PACRG: variants seen among roughly 807,000 people sequenced by gnomAD.
PACRG encodes the protein parkin coregulated gene protein.
In PACRG, 29 loss-of-function variants were observed where a neutral mutation model predicts 29.7. The ratio of observed to expected loss-of-function variants is 0.98; its 90% CI spans 0.73 to 1.33. The LOEUF (loss-of-function observed/expected upper bound fraction) is 1.33, where lower values mean the gene tolerates loss of function less well. PACRG is among the 40% of genes most tolerant of loss of function. The pLI is 0.00. For missense variants in PACRG, 279 were observed against 316.2 expected (o/e 0.88, Z 0.89); for synonymous variants, 116 against 118.7 (o/e 0.98, Z 0.15).
At chr6:162,914,503 T>TTTTTTTTTC in intron 2 of PACRG, among the ~76,000 whole-genome samples, 1 of 90,394 alleles carries the variant, frequency 1.1e-5, no homozygotes, top group Non-Finnish European at 2.2e-5. Context: ...GTTTTGTACT[T>TTTTTTTTTC]TTTTGTTTTT....
At chr6:163,308,777 A>G (rs1052781259) in intron 4 of PACRG, among the ~76,000 whole-genome samples, 1 of 152,162 alleles carries the variant, frequency 6.6e-6, no homozygotes, top group African/African-American at 2.4e-5. Flanking sequence ...CACCTGCACA[A>G]ACCTGCCAAG....
chr6:162,885,190 A>G (rs1022485471), intron 2 of PACRG, among the ~76,000 whole-genome samples: 41 of 150,744 alleles, frequency 2.7e-4, no homozygotes, highest in African/African-American at 9.8e-4. Flanking sequence ...TGAAGAAAAC[A>G]TGGTTTCCTT....
intron 2 of PACRG, among the ~76,000 whole-genome samples, chr6:163,014,893 T>C (rs541561521): frequency 1.3e-5 from 2 of 152,290 alleles, no homozygotes; most frequent in Admixed American, 6.5e-5. Flanking sequence ...TGCAATTGCT[T>C]TTGAGGACTT....
At chr6:162,979,679 C>T (rs1584926116) in intron 2 of PACRG, among the ~76,000 whole-genome samples, 1 of 152,188 alleles carries the variant, frequency 6.6e-6, no homozygotes, top group East Asian at 1.9e-4. Flanking sequence ...AATTGTATCT[C>T]TTACACACTT....
At chr6:163,052,123 ATATAT>A (rs1431609221) in intron 2 of PACRG, 2 of 152,294 alleles carry the variant, frequency 1.3e-5, no homozygotes, top group African/African-American at 4.8e-5. Flanking sequence ...TACTTGTAAA[ATATAT>A]TATATATATT....
chr6:163,027,336 A>G (rs2128225384), intron 2 of PACRG, among the ~76,000 whole-genome samples: 1 of 152,120 alleles, frequency 6.6e-6, no homozygotes, highest in East Asian at 1.9e-4. Flanking sequence ...TAATTTCTGT[A>G]CAATATTGCG....
chr6:162,832,223 C>T (rs1788838885), intron 2 of PACRG, among the ~76,000 whole-genome samples: 1 of 152,182 alleles, frequency 6.6e-6, no homozygotes. Context: ...GATGATATCT[C>T]ATTGTGGTTT....
At chr6:163,239,215 A>G (rs766278200) in intron 4 of PACRG, among the ~76,000 whole-genome samples, 1 of 152,210 alleles carries the variant, frequency 6.6e-6, no homozygotes, top group Non-Finnish European at 1.5e-5. Flanking sequence ...AGAGATTTGT[A>G]CCATGTAAGA....
Position 162,815,483 on chromosome 6 carries a change from G to A in PACRG, c.291+1202G>A, listed in dbSNP as rs183332162. 4.0e-3 allele frequency among the ~76,000 whole-genome samples: 602 copies of A among 149,772 alleles called. 14 individuals are homozygous for A. Among genetic ancestry groups the A allele is most frequent in the Non-Finnish European group, 1.2e-3 (79 of 67,662 alleles). ...GAGCAGTCATCCAATATCAGTTATT[G>A]AACTTAGAATTATTCCAACTTATAT... On this transcript the variant is annotated intron_variant, in intron 2 of 4. Coordinates refer to ENST00000366888, the MANE Select transcript of PACRG (RefSeq NM_001080379.2).
chr6:163,182,739 T>C (rs930251446), intron 4 of PACRG: 5 of 152,248 alleles, frequency 3.3e-5, no homozygotes, highest in African/African-American at 1.2e-4. Flanking sequence ...TAAGTTGCAA[T>C]TTCACAATTT....
At chr6:163,087,252 G>A (rs566776755) in intron 3 of PACRG, among the ~76,000 whole-genome samples, 1 of 151,848 alleles carries the variant, frequency 6.6e-6, no homozygotes, top group East Asian at 2.0e-4. Context: ...ATGGAGACTG[G>A]GACCAGAGAA....
intron 2 of PACRG, among the ~76,000 whole-genome samples, chr6:162,916,951 A>C (rs891878658): frequency 1.3e-5 from 2 of 152,084 alleles, no homozygotes; most frequent in Non-Finnish European, 2.9e-5. Flanking sequence ...AGTGGTGGAT[A>C]CTTTCTTCTC....
intron 4 of PACRG, chr6:163,189,923 G>A (rs980842336): frequency 1.3e-5 from 2 of 152,328 alleles, no homozygotes; most frequent in Admixed American, 6.5e-5. Flanking sequence ...CCCCCAGGTG[G>A]CCTGTCATTT....
At chr6:163,158,525 ATG>A (rs1447186459) in intron 4 of PACRG, among the ~76,000 whole-genome samples, 1 of 152,210 alleles carries the variant, frequency 6.6e-6, no homozygotes, top group African/African-American at 2.4e-5. Flanking sequence ...TTACAGTAGG[ATG>A]TGTGTCATTA....
intron 2 of PACRG, among the ~76,000 whole-genome samples, chr6:162,860,892 T>C (rs998226156): frequency 2.6e-5 from 4 of 152,158 alleles, no homozygotes; most frequent in African/African-American, 9.7e-5. Flanking sequence ...TGAATTTAGG[T>C]AGTTGCTTGA....
intron 2 of PACRG, among the ~76,000 whole-genome samples, chr6:162,958,872 TATATATATATATAG>T (rs1800320570): frequency 8.2e-5 from 5 of 61,190 alleles, no homozygotes; most frequent in South Asian, 8.2e-4. Flanking sequence ...TATATATATA[TATATATATATATAG>T]AGAGAGAGAG....
chr6:163,099,075 A>C (rs980194433), intron 4 of PACRG, among the ~76,000 whole-genome samples: 1 of 152,148 alleles, frequency 6.6e-6, no homozygotes, highest in African/African-American at 2.4e-5. Flanking sequence ...CTGTCTGGGG[A>C]TGCAGCCCAG....
At chr6:163,272,771 A>T (rs1783881034) in intron 4 of PACRG, among the ~76,000 whole-genome samples, 1 of 152,154 alleles carries the variant, frequency 6.6e-6, no homozygotes, top group African/African-American at 2.4e-5. Context: ...ATCAACATCC[A>T]TGGAAATGAT....
At position 162,728,337 on chromosome 6, in the gene PACRG, T is replaced by C; in HGVS notation, c.102T>C (p.Pro34=). ...AACAGCCGCTCCCGGTGCACCAGCC[T>C]CACTCTCTGGTTTCTGAGGGTTTCA... ...LAQQPLPVHQ[P]HSLVSEGFTV... The change falls in exon 1 of 5, where the codon CCT becomes CCC. Residue 34 remains proline (P), a synonymous_variant. Coordinates refer to ENST00000366888, the MANE Select transcript of PACRG (RefSeq NM_001080379.2). 6.2e-7 allele frequency: 1 copy of C among 1,613,960 alleles called. No individual in the cohort carries two copies. Among genetic ancestry groups the C allele is most frequent in the Non-Finnish European group, 8.5e-7 (1 of 1,180,014 alleles).
Sources: allele counts gnomAD v4.1 joint callset (sites outside exome capture counted in the v4.1 genomes callset), GRCh38; gene constraint gnomAD v4.1.1; transcripts MANE v1.5; gene names NCBI Gene and HGNC (gene_info 2026-07-23, HGNC 2026-07-21).